The following AGBL1 variants were observed in gnomAD, a reference collection of about 807,000 sequenced individuals.
The protein encoded by AGBL1 is cytosolic carboxypeptidase 4.
AGBL1 carries 130 observed loss-of-function variants against 118.9 expected under a neutral mutation model. The observed-to-expected ratio is 1.09, with a 90% CI of 0.95 to 1.26. The LOEUF (loss-of-function observed/expected upper bound fraction) is 1.26. Ranked by LOEUF, AGBL1 falls within the 50% of genes most tolerant of loss-of-function variation. The probability of loss-of-function intolerance (pLI) is 0.00; values close to 1 mark genes in which losing one functional copy is unlikely to be tolerated. For missense variants in AGBL1, 1,584 were observed against 1,298.1 expected, an observed-to-expected ratio of 1.22 and a Z score of -3.38; for synonymous variants, 555 against 478.9, an observed-to-expected ratio of 1.16 and a Z score of -2.08.
chr15:87,017,623 C>T (rs1004310492), intron 24 of AGBL1, among the ~76,000 whole-genome samples: 1 of 152,060 alleles, frequency 6.6e-6, no homozygotes, highest in Non-Finnish European at 1.5e-5. Context: ...AAAAAGATCC[C>T]ACAAAAACTC....
chr15:86,234,583 A>G (rs919225984), intron 6 of AGBL1, among the ~76,000 whole-genome samples: 2 of 149,928 alleles, frequency 1.3e-5, no homozygotes, highest in Non-Finnish European at 3.0e-5. Context: ...AGAGTAAGTC[A>G]CAGTGGAGAA....
At chr15:86,959,780 T>C (rs1024786677) in intron 23 of AGBL1, among the ~76,000 whole-genome samples, 8 of 152,080 alleles carry the variant, frequency 5.3e-5, no homozygotes, top group African/African-American at 1.9e-4. Flanking sequence ...ACTTATCTTT[T>C]TCTTCTAAAG....
chr15:86,154,446 G>A lies in AGBL1; in HGVS notation c.279G>A (p.Arg93=). The A allele has an allele frequency of 6.2e-7, 1 of 1,612,420 alleles. No individual in the cohort carries two copies. The highest frequency in any genetic ancestry group is 8.5e-7 in the Non-Finnish European group (1 of 1,179,254). ...KVGLRDKKIG[R]KALELEALDV... Reference sequence around the variant, plus strand: ...TGTTCTTAGATAAAAAGATTGGACGGAAGGCCCTAGAATTGGAAGCACTTG... The same window carrying A: ...TGTTCTTAGATAAAAAGATTGGACGAAAGGCCCTAGAATTGGAAGCACTTG... Residue 93 remains arginine (R), a synonymous_variant, in exon 4 of 23, where the codon CGG becomes CGA. Transcript: ENST00000614907.
chr15:86,169,414 C>T (rs2077384719), intron 5 of AGBL1, among the ~76,000 whole-genome samples: 1 of 152,156 alleles, frequency 6.6e-6, no homozygotes, highest in South Asian at 2.1e-4. Flanking sequence ...ACTGGAAAAC[C>T]TCATGACTCA....
At chr15:86,392,971 C>T (rs2081311007) in intron 17 of AGBL1, among the ~76,000 whole-genome samples, 1 of 152,090 alleles carries the variant, frequency 6.6e-6, no homozygotes, top group Non-Finnish European at 1.5e-5. Context: ...AGCTGTTGTC[C>T]ATTATGAGTT....
chr15:86,173,180 C>T (rs1245653587), intron 5 of AGBL1: 1 of 152,042 alleles, frequency 6.6e-6, no homozygotes, highest in Non-Finnish European at 1.5e-5. Flanking sequence ...AGATCCTTTG[C>T]CCACTTTATT....
chr15:86,117,909 T>C (rs1427901447), intron 1 of AGBL1, among the ~76,000 whole-genome samples: 3 of 152,232 alleles, frequency 2.0e-5, no homozygotes, highest in African/African-American at 7.2e-5. Context: ...AGGTTATGTG[T>C]AACTCCATTA....
At chr15:86,805,025 G>A (rs2078697749) in intron 22 of AGBL1, among the ~76,000 whole-genome samples, 1 of 152,104 alleles carries the variant, frequency 6.6e-6, no homozygotes, top group South Asian at 2.1e-4. Flanking sequence ...AGGACTCCCA[G>A]TGCCAAGTTT....
rs1207085651 is a variant in AGBL1, at chr15:86,761,868, T to A, written c.3158+87432T>A. On this transcript the variant is annotated intron_variant, in intron 22 of 22. Coordinates refer to ENST00000614907, the MANE Select transcript of AGBL1 (RefSeq NM_001386094.1). ...TCACATTTGTCAATTTTTGCTTTTG[T>A]TGCAATTGGTTTTGGCAATTTCATC... Among the ~76,000 whole-genome samples, 4 of 152,254 alleles carry A rather than the reference T, an allele frequency of 2.6e-5. No homozygotes were observed. In the East Asian group the frequency reaches 7.8e-4, roughly 30 times the overall value.
Position 86,433,266 on chromosome 15 carries a change from C to CTTTTT in AGBL1, c.2555+35743_2555+35747dup, listed in dbSNP as rs59417397. On this transcript the variant is annotated intron_variant, in intron 18 of 22. Transcript: ENST00000614907. ...TCTCCTCCTCCTCCTCCTCCTTCTTCTTTTTTTTTTTTTTTTTTTTTTTTT... is the reference window on the plus strand; with the variant it reads ...TCTCCTCCTCCTCCTCCTCCTTCTTCTTTTTTTTTTTTTTTTTTTTTTTTTTTTTT... 3.8e-3 allele frequency among the ~76,000 whole-genome samples: 286 copies of CTTTTT among 74,864 alleles called. 51 individuals carry two copies. Among genetic ancestry groups the CTTTTT allele is most frequent in the African/African-American group, 0.011 (205 of 18,978 alleles). The allele number at this position is 74,864 out of a possible 152,430, so 49.1% of individuals were successfully genotyped here.
intron 21 of AGBL1, among the ~76,000 whole-genome samples, chr15:86,638,528 G>T (rs2085140367): frequency 6.6e-6 from 1 of 152,094 alleles, no homozygotes; most frequent in Non-Finnish European, 1.5e-5. Flanking sequence ...GGGGTCTTTG[G>T]ACTTGGTGGA....
intron 11 of AGBL1, 45 bp downstream of exon 11, chr15:86,264,883 A>T: frequency 6.9e-7 from 1 of 1,454,400 alleles, no homozygotes; most frequent in Non-Finnish European, 9.3e-7. Flanking sequence ...CTGTTCTTTG[A>T]TAATTTTATA....
At chr15:86,480,859 C>T (rs2163442) in intron 18 of AGBL1, among the ~76,000 whole-genome samples, 70,232 of 151,706 alleles carry the variant, frequency 0.46, 16,838 homozygotes, top group Middle Eastern at 0.54. Flanking sequence ...AATATTTAGG[C>T]AATGGTGAGC....
intron 5 of AGBL1, among the ~76,000 whole-genome samples, chr15:86,214,922 T>A (rs1178240069): frequency 6.6e-6 from 1 of 152,148 alleles, no homozygotes; most frequent in African/African-American, 2.4e-5. Context: ...CTTAAAAAAA[T>A]TTCCCGTGAT....
chr15:86,353,267 G>C (rs766262531), intron 17 of AGBL1, among the ~76,000 whole-genome samples: 5 of 152,178 alleles, frequency 3.3e-5, no homozygotes, highest in Non-Finnish European at 7.3e-5. Flanking sequence ...GTAAGACAGA[G>C]TTTCACAAAA....
At chr15:86,876,312 G>A (rs993185778) in intron 22 of AGBL1, among the ~76,000 whole-genome samples, 8 of 152,106 alleles carry the variant, frequency 5.3e-5, no homozygotes, top group African/African-American at 1.9e-4. Flanking sequence ...CAGGACTCCA[G>A]ACAGATGAAT....
chr15:86,361,905 C>A (rs2080811660), intron 17 of AGBL1, among the ~76,000 whole-genome samples: 1 of 152,084 alleles, frequency 6.6e-6, no homozygotes, highest in Non-Finnish European at 1.5e-5. Flanking sequence ...TTCAGCCATT[C>A]TATGTCTTTT....
intron 18 of AGBL1, among the ~76,000 whole-genome samples, chr15:86,464,714 T>C (rs923374820): frequency 6.6e-6 from 1 of 152,188 alleles, no homozygotes; most frequent in African/African-American, 2.4e-5. Flanking sequence ...GTTCTTGTTG[T>C]TGGTTTGGTT....
chr15:86,329,713 G>T (rs2080241276), intron 17 of AGBL1, among the ~76,000 whole-genome samples: 1 of 151,604 alleles, frequency 6.6e-6, no homozygotes, highest in South Asian at 2.1e-4. Context: ...CAGATTGGCA[G>T]CCTGAGCTGC....
Sources: gnomAD v4.1 joint callset for allele counts (sites outside exome capture counted in the v4.1 genomes callset) on GRCh38, gnomAD v4.1.1 for gene constraint, MANE v1.5 for transcripts, NCBI Gene and HGNC (gene_info 2026-07-23, HGNC 2026-07-21) for gene names.